The following TBPL2 variants were observed in gnomAD, a reference collection of about 807,000 sequenced individuals.
The protein encoded by TBPL2 is TATA box-binding protein-like 2.
In TBPL2, 40 loss-of-function variants were observed where a neutral mutation model predicts 38.2. The observed-to-expected ratio is 1.05, with a 90% CI of 0.81 to 1.36. The LOEUF (loss-of-function observed/expected upper bound fraction) is 1.36. Ranked by LOEUF, TBPL2 falls within the 40% of genes most tolerant of loss-of-function variation. TBPL2 has a pLI of 0.00. For synonymous variants in TBPL2, 169 were observed against 171.7 expected (o/e 0.98, Z 0.12); for missense variants, 461 against 456.7 (o/e 1.01, Z -0.09).
intron 6 of TBPL2, among the ~76,000 whole-genome samples, chr14:55,421,039 CAA>C (rs1247659357): frequency 4.7e-5 from 4 of 85,808 alleles, no homozygotes; most frequent in African/African-American, 1.6e-4. Context: ...GCAGCCTGGG[CAA>C]AAGAGTGAGA....
At chr14:55,424,839 T>A (rs1008865866) in intron 5 of TBPL2, among the ~76,000 whole-genome samples, 1 of 152,158 alleles carries the variant, frequency 6.6e-6, no homozygotes, top group Non-Finnish European at 1.5e-5. Context: ...GGCCACTCCA[T>A]GGAGCGAAAG....
At chr14:55,425,504 G>A (rs1285530208) in intron 5 of TBPL2, among the ~76,000 whole-genome samples, 1 of 152,202 alleles carries the variant, frequency 6.6e-6, no homozygotes, top group East Asian at 1.9e-4. Context: ...CCAGTATAAT[G>A]TGCTCCCAAT....
intron 1 of TBPL2, among the ~76,000 whole-genome samples, chr14:55,439,827 A>T (rs1300839378): frequency 6.7e-6 from 1 of 149,920 alleles, no homozygotes. Flanking sequence ...GCTACTCGGG[A>T]GGCTGAGGTA....
chr14:55,422,538 C>T (rs1481546219), intron 6 of TBPL2, among the ~76,000 whole-genome samples: 3 of 152,128 alleles, frequency 2.0e-5, no homozygotes, highest in African/African-American at 4.8e-5. Flanking sequence ...CGTGAGCCAC[C>T]GCGCCCGGTC....
intron 5 of TBPL2, among the ~76,000 whole-genome samples, chr14:55,426,800 C>G (rs146936625): frequency 6.6e-6 from 1 of 152,182 alleles, no homozygotes; most frequent in African/African-American, 2.4e-5. Flanking sequence ...GGGCCCACTC[C>G]GTCTGATGTA....
exon 1 of TBPL2, chr14:55,440,419 A>G (rs200265715): frequency 1.9e-6 from 3 of 1,612,880 alleles, no homozygotes; most frequent in East Asian, 4.5e-5. Flanking sequence ...TGGTCCAGGT[A>G]GAGCTCCAGG....
intron 5 of TBPL2, among the ~76,000 whole-genome samples, chr14:55,427,430 T>C (rs1478951273): frequency 1.3e-5 from 2 of 152,174 alleles, no homozygotes; most frequent in South Asian, 2.1e-4. Flanking sequence ...TCAGATCATA[T>C]CTGAAAGGAA....
At chr14:55,416,814 C>CA (rs1885676136) in intron 6 of TBPL2, among the ~76,000 whole-genome samples, 1 of 152,200 alleles carries the variant, frequency 6.6e-6, no homozygotes, top group Admixed American at 6.5e-5. Context: ...GCCCCTCTCC[C>CA]AAAATCCCCA....
exon 7 of TBPL2, chr14:55,414,251 C>G: frequency 1.5e-6 from 1 of 688,686 alleles, no homozygotes; most frequent in East Asian, 2.7e-5. Flanking sequence ...GTTACTTACA[C>G]AGAGTCGCCC....
intron 6 of TBPL2, among the ~76,000 whole-genome samples, chr14:55,422,255 A>C (rs1352325360): frequency 6.6e-6 from 1 of 152,192 alleles, no homozygotes; most frequent in Non-Finnish European, 1.5e-5. Flanking sequence ...TAAACTTGGC[A>C]TTCATTATGG....
At chr14:55,434,579 G>A (rs565579907) in intron 3 of TBPL2, among the ~76,000 whole-genome samples, 1 of 152,264 alleles carries the variant, frequency 6.6e-6, no homozygotes, top group South Asian at 2.1e-4. Flanking sequence ...AAAATGAGAG[G>A]TGTGCTGAGG....
At chr14:55,415,840 T>C (rs1195009042) in intron 6 of TBPL2, among the ~76,000 whole-genome samples, 1 of 152,180 alleles carries the variant, frequency 6.6e-6, no homozygotes, top group African/African-American at 2.4e-5. Flanking sequence ...CACTCCAGCC[T>C]GGGCGACACA....
rs199620439 is a variant in TBPL2 at position 55,436,754 on chromosome 14, C to T, written c.415G>A (p.Glu139Lys). 72 of 1,614,176 alleles carry T rather than the reference C, an allele frequency of 4.5e-5. No individual in the cohort carries two copies. The African/African-American group carries it at 7.3e-4, about 16-fold the overall frequency. The change falls in exon 2 of 7, where the codon GAA becomes AAA. Residue 139 changes from glutamate to lysine, a missense_variant. Physicochemically the swap from Glu to Lys is moderately conservative, Grantham distance 56. Coordinates refer to ENST00000247219, the Ensembl canonical transcript of TBPL2. ...TTTAAGCCCAGCCCAACGTCCTGTT[C>T]GCTGGGTGATGGCAACCTACTTTGT... is the stretch of plus-strand genomic sequence containing the variant.
At chr14:55,434,958 C>A (rs571539742) in intron 3 of TBPL2, among the ~76,000 whole-genome samples, 14 of 152,050 alleles carry the variant, frequency 9.2e-5, no homozygotes, top group Admixed American at 8.5e-4. Context: ...CCTGGCAAAT[C>A]GTTAAAAGTT....
At chr14:55,426,276 A>T (rs142398394) in intron 5 of TBPL2, among the ~76,000 whole-genome samples, 2,830 of 151,964 alleles carry the variant, frequency 0.019, 42 homozygotes, top group African/African-American at 0.04. Flanking sequence ...TCAAAAAAAA[A>T]AAATAAATAA....
At chr14:55,414,488 A>G (rs762524467) in intron 6 of TBPL2, 33 bp from the exon 7 acceptor site, 1 of 1,459,612 alleles carries the variant, frequency 6.9e-7, no homozygotes, top group Non-Finnish European at 9.3e-7. Context: ...ATAATTTTTA[A>G]TATAAAAATA....
At chr14:55,415,514 A>G (rs1437267517) in intron 6 of TBPL2, among the ~76,000 whole-genome samples, 2 of 152,216 alleles carry the variant, frequency 1.3e-5, no homozygotes, top group African/African-American at 4.8e-5. Flanking sequence ...TTGCAGCACT[A>G]TTCACACTTG....
At chr14:55,440,349 C>G in intron 1 of TBPL2, 47 bp downstream of exon 1, 1 of 1,609,410 alleles carries the variant, frequency 6.2e-7, no homozygotes, top group African/African-American at 1.3e-5. Context: ...GGCACAGGAC[C>G]GGGCGGGACT....
exon 2 of TBPL2, chr14:55,437,007 G>T (rs576596544): frequency 1.2e-6 from 2 of 1,613,846 alleles, no homozygotes; most frequent in East Asian, 2.2e-5. Flanking sequence ...ACCTGGGTGG[G>T]GCAAGGCCAT....
Sources: gnomAD v4.1 joint callset for allele counts (sites outside exome capture counted in the v4.1 genomes callset) on GRCh38, gnomAD v4.1.1 for gene constraint, MANE v1.5 for transcripts, NCBI Gene and HGNC (gene_info 2026-07-23, HGNC 2026-07-21) for gene names.